NPRL3: variants seen among roughly 807,000 people sequenced by gnomAD.
The protein encoded by NPRL3 is GATOR1 complex protein NPRL3.
Under a neutral mutation model 57.2 loss-of-function variants are expected in NPRL3, and 23 were observed. The observed-to-expected ratio is 0.40, with a 90% CI of 0.29 to 0.57. NPRL3 has a LOEUF of 0.57. Ranked by LOEUF, NPRL3 falls within the 20% of genes least tolerant of loss-of-function variation. NPRL3 has a pLI of 0.42. For synonymous variants in NPRL3, 333 were observed against 321.1 expected (o/e 1.04, Z -0.39); for missense variants, 691 against 767.1 (o/e 0.90, Z 1.17).
At chr16:123,759 C>T (rs533212322) in intron 3 of NPRL3, among the ~76,000 whole-genome samples, 6 of 151,278 alleles carry the variant, frequency 4.0e-5, no homozygotes, top group African/African-American at 1.5e-4. Context: ...TCACACACTC[C>T]CCACGCTGAG....
At chr16:130,641 A>G (rs757364283) in intron 2 of NPRL3, 50 bp from the exon 3 acceptor site, 5 of 1,522,404 alleles carry the variant, frequency 3.3e-6, no homozygotes, top group Non-Finnish European at 4.5e-6. Context: ...GGGTCCTTCC[A>G]CACACAGGAG....
chr16:96,167 A>G (rs1332996324), intron 9 of NPRL3, among the ~76,000 whole-genome samples: 1 of 152,226 alleles, frequency 6.6e-6, no homozygotes, highest in African/African-American at 2.4e-5. Context: ...CAAGGGTGAG[A>G]GGCACACTGT....
rs759388016 is a variant in NPRL3, at chr16:110,513, CACCT to C, written c.629+8_629+11del. The C allele has an allele frequency of 2.5e-6, 4 of 1,607,098 alleles. No individual in the cohort carries two copies. The highest frequency in any genetic ancestry group is 3.4e-6 in the Non-Finnish European group (4 of 1,176,560). On this transcript the variant is annotated splice_region_variant and intron_variant, in intron 7 of 13. Coordinates refer to ENST00000611875, the MANE Select transcript of NPRL3 (RefSeq NM_001077350.3). ...TAAGAAGGAGGTTAATAAGCACACC[CACCT>C]GTCTTACCTGTCATAAGCTTCCTTG...
chr16:124,428 T>C (rs1380267888), intron 3 of NPRL3, among the ~76,000 whole-genome samples: 2 of 151,962 alleles, frequency 1.3e-5, no homozygotes, highest in Non-Finnish European at 2.9e-5. Flanking sequence ...CTCATACTCC[T>C]GGGGTCAAGC....
At position 86,693 on chromosome 16, in the gene NPRL3, C is replaced by T. The variant is rs1898485408; in HGVS notation, c.*12G>A. 3.9e-6 allele frequency: 6 copies of T among 1,544,360 alleles called. No individual in the cohort carries two copies. Among genetic ancestry groups the T allele is most frequent in the Non-Finnish European group, 5.2e-6 (6 of 1,143,288 alleles). ...CTGCGCACCCCAGCAGCCTTCCGCC[C>T]TCCGCCTGGGCTCAGGGGAGCAGAG... On this transcript the variant is annotated 3_prime_UTR_variant, in exon 14 of 14. Coordinates refer to ENST00000611875, the MANE Select transcript of NPRL3 (RefSeq NM_001077350.3).
chr16:100,331 G>A (rs754738681), intron 8 of NPRL3, 41 bp downstream of exon 8: 8 of 1,435,672 alleles, frequency 5.6e-6, no homozygotes, highest in Non-Finnish European at 7.4e-6. Context: ...CTAAAGGGAA[G>A]GGCCCTGGCA....
chr16:119,979 T>G (rs560861877), intron 3 of NPRL3, among the ~76,000 whole-genome samples: 48 of 152,266 alleles, frequency 3.2e-4, no homozygotes, highest in African/African-American at 1.1e-3. Flanking sequence ...TTTCCCCTTT[T>G]CAAGGTCATC....
intron 9 of NPRL3, among the ~76,000 whole-genome samples, chr16:95,350 TAC>T (rs142854412): frequency 0.03 from 3,376 of 110,738 alleles, 72 homozygotes; most frequent in East Asian, 0.076. Flanking sequence ...TATATATATA[TAC>T]ACACACACAC....
At chr16:115,490 C>CTTTTTTT (rs11441743) in intron 5 of NPRL3, among the ~76,000 whole-genome samples, 1 of 145,018 alleles carries the variant, frequency 6.9e-6, no homozygotes, top group African/African-American at 2.5e-5. Context: ...TTTCCTGTTG[C>CTTTTTTT]TTTTTTTTTT....
At position 100,474 on chromosome 16, in the gene NPRL3, T is replaced by C; in HGVS notation, c.665A>G (p.Asn222Ser). The change falls in exon 8 of 14, where the codon AAC becomes AGC. Residue 222 changes from asparagine (N) to serine (S), a missense_variant. Physicochemically the swap from Asn to Ser is conservative, Grantham distance 46 (BLOSUM62 1). Coordinates refer to ENST00000611875, the MANE Select transcript of NPRL3 (RefSeq NM_001077350.3). Reference protein sequence around the residue: ...CTSGVVRLHINSWLEVSFCLP... With the variant: ...CTSGVVRLHISSWLEVSFCLP... Reference sequence around the variant, plus strand: ...GCAGAAGCTCACCTCCAGCCAGCTGTTGATGTGAAGCCGAACTACGCCCGA... The same window carrying C: ...GCAGAAGCTCACCTCCAGCCAGCTGCTGATGTGAAGCCGAACTACGCCCGA... 1.2e-6 allele frequency: 2 copies of C among 1,600,346 alleles called. No individual in the cohort carries two copies. Among genetic ancestry groups the C allele is most frequent in the Non-Finnish European group, 1.7e-6 (2 of 1,175,092 alleles).
At chr16:112,274 A>G (rs775491230) in intron 6 of NPRL3, among the ~76,000 whole-genome samples, 1 of 152,246 alleles carries the variant, frequency 6.6e-6, no homozygotes, top group Non-Finnish European at 1.5e-5. Flanking sequence ...AGCCAGGAAA[A>G]TTCATCTACA....
At chr16:112,459 G>A (rs1026824227) in intron 6 of NPRL3, among the ~76,000 whole-genome samples, 163 bp downstream of exon 6, 3 of 152,212 alleles carry the variant, frequency 2.0e-5, no homozygotes, top group African/African-American at 4.8e-5. Context: ...ACCAAAAGCC[G>A]ATGCTTGCAA....
In NPRL3 at chr16:88,787, G is replaced by T. The variant is rs746552103; in HGVS notation, c.1455C>A (p.Asn485Lys). ...CATGCTCCGACAGGCTGGCCAGCAG[G>T]TTCTCCGTCATCCTCTGGTTCAGTG... Reference protein sequence around the residue: ...DSPLNQRMTENLLASLSEHER... With the variant: ...DSPLNQRMTEKLLASLSEHER... The change falls in exon 13 of 14, where the codon AAC becomes AAA. Residue 485 changes from asparagine (N) to lysine (K), a missense_variant. Coordinates refer to ENST00000611875, the MANE Select transcript of NPRL3 (RefSeq NM_001077350.3). 1 of 1,613,444 alleles carries T rather than the reference G, an allele frequency of 6.2e-7. No individual in the cohort carries two copies. The highest frequency in any genetic ancestry group is 1.7e-5 in the Admixed American group (1 of 59,966).
rs556373304 is a variant in NPRL3, at chr16:98,644, G to A, written c.768-343C>T. Among the ~76,000 whole-genome samples the A allele has an allele frequency of 4.6e-5, 7 of 152,348 alleles. No individual in the cohort carries two copies. In the South Asian group the frequency reaches 8.3e-4, roughly 18 times the overall value. ...GAAAAGGGCAGTGGTCTGTTTGGAG[G>A]CCTTCACAAAATCTGCCAAGGACTG... On this transcript the variant is annotated intron_variant, in intron 8 of 13. Transcript: ENST00000611875.
chr16:134,947 C>G (rs1474026358), intron 2 of NPRL3, among the ~76,000 whole-genome samples: 4 of 151,688 alleles, frequency 2.6e-5, no homozygotes, highest in Non-Finnish European at 5.9e-5. Context: ...GTGATCCGCC[C>G]GCCTCGGCCT....
chr16:107,182 C>CA (rs1899568154), intron 7 of NPRL3, among the ~76,000 whole-genome samples: 1 of 152,188 alleles, frequency 6.6e-6, no homozygotes, highest in African/African-American at 2.4e-5. Context: ...CAGCAAAACT[C>CA]AGATTCCTGT....
chr16:126,691 C>T (rs1900535901), intron 3 of NPRL3, among the ~76,000 whole-genome samples: 1 of 152,106 alleles, frequency 6.6e-6, no homozygotes, highest in Non-Finnish European at 1.5e-5. Context: ...GTGGTGGGGA[C>T]ACACGGTACA....
chr16:96,807 G>A (rs1899027397), intron 9 of NPRL3, among the ~76,000 whole-genome samples: 3 of 152,054 alleles, frequency 2.0e-5, no homozygotes, highest in Non-Finnish European at 4.4e-5. Flanking sequence ...AGAAATACAA[G>A]GGCACAATTT....
chr16:109,813 C>T (rs751950622), intron 7 of NPRL3, among the ~76,000 whole-genome samples: 17 of 152,208 alleles, frequency 1.1e-4, no homozygotes, highest in Non-Finnish European at 2.4e-4. Context: ...TTGTGATGCA[C>T]TGATGCATCT....
Sources: allele counts gnomAD v4.1 joint callset (sites outside exome capture counted in the v4.1 genomes callset), GRCh38; gene constraint gnomAD v4.1.1; transcripts MANE v1.5; gene names NCBI Gene and HGNC (gene_info 2026-07-23, HGNC 2026-07-21).